Variants in KIAA0319L observed in about 807,000 individuals in gnomAD.
The protein encoded by KIAA0319L is KIAA0319 like, also known as dyslexia-associated protein KIAA0319-like protein.
A neutral mutation model predicts 120.1 loss-of-function variants in KIAA0319L; 55 were observed. The ratio of observed to expected loss-of-function variants is 0.46; its 90% CI spans 0.37 to 0.57. The LOEUF (loss-of-function observed/expected upper bound fraction) is 0.57. KIAA0319L is among the 20% of genes least tolerant of loss of function. KIAA0319L has a pLI of 0.00. For synonymous variants in KIAA0319L, 398 were observed against 471.9 expected, an observed-to-expected ratio of 0.84 and a Z score of 2.03; for missense variants, 1,049 against 1,255.3, an observed-to-expected ratio of 0.84 and a Z score of 2.48.
intron 6 of KIAA0319L, among the ~76,000 whole-genome samples, chr1:35,467,563 A>G (rs1009238882): frequency 2.0e-5 from 3 of 152,206 alleles, no homozygotes; most frequent in African/African-American, 4.8e-5. Flanking sequence ...TAAGATCTCT[A>G]TCTTCAAGGA....
At chr1:35,442,475 A>C in intron 18 of KIAA0319L, 139 bp from the exon 19 acceptor site, 1 of 693,074 alleles carries the variant, frequency 1.4e-6, no homozygotes, top group Non-Finnish European at 2.6e-6. Context: ...AAGACCTTGG[A>C]GTTAAGGGCA....
At chr1:35,548,769 T>C (rs958307428) in intron 2 of KIAA0319L, among the ~76,000 whole-genome samples, 2 of 152,094 alleles carry the variant, frequency 1.3e-5, no homozygotes, top group Non-Finnish European at 2.9e-5. Flanking sequence ...ACCTACCTCT[T>C]CTGGAGCTGC....
chr1:35,471,807 T>C (rs1207056053), intron 5 of KIAA0319L, among the ~76,000 whole-genome samples: 1 of 152,060 alleles, frequency 6.6e-6, no homozygotes, highest in Non-Finnish European at 1.5e-5. Flanking sequence ...ATTTCATGAG[T>C]TCAAATGTTA....
chr1:35,514,608 A>G (rs1645606181), intron 2 of KIAA0319L, among the ~76,000 whole-genome samples: 1 of 152,230 alleles, frequency 6.6e-6, no homozygotes, highest in Non-Finnish European at 1.5e-5. Context: ...CAGACAAAAC[A>G]GATTTTAAAC....
At chr1:35,446,055 G>A (rs1641595755) in intron 16 of KIAA0319L, among the ~76,000 whole-genome samples, 2 of 152,140 alleles carry the variant, frequency 1.3e-5, no homozygotes, top group South Asian at 2.1e-4. Flanking sequence ...CTCTGACCTA[G>A]TGAGCCCTGA....
At chr1:35,494,695 T>C (rs1644733601) in intron 3 of KIAA0319L, among the ~76,000 whole-genome samples, 1 of 150,730 alleles carries the variant, frequency 6.6e-6, no homozygotes, top group Non-Finnish European at 1.5e-5. Context: ...CCTATAGTCC[T>C]AGCTACTTGG....
intron 3 of KIAA0319L, among the ~76,000 whole-genome samples, chr1:35,490,547 T>G (rs1644552588): frequency 6.6e-6 from 1 of 152,164 alleles, no homozygotes; most frequent in Admixed American, 6.5e-5. Flanking sequence ...CAATTAAAAC[T>G]GATCCAGAAA....
chr1:35,537,840 A>G (rs1316074138), intron 2 of KIAA0319L, among the ~76,000 whole-genome samples: 1 of 152,152 alleles, frequency 6.6e-6, no homozygotes, highest in Non-Finnish European at 1.5e-5. Flanking sequence ...AATTAAATCA[A>G]AGCCAATCTG....
rs201452270 is a variant in KIAA0319L, at chr1:35,526,317, GTGTA to G, written c.143-19186_143-19183del. On this transcript the variant is annotated intron_variant, in intron 2 of 20. Coordinates refer to ENST00000325722, the MANE Select transcript of KIAA0319L (RefSeq NM_024874.5). ...CATATATATGTACATATATACATAT[GTGTA>G]TGTGTGTGTATATGTATATATGTAC... Among the ~76,000 whole-genome samples the G allele has an allele frequency of 4.2e-3, 611 of 145,622 alleles. 6 individuals carry two copies. The highest frequency in any genetic ancestry group is 0.032 in the East Asian group (161 of 5,074).
intron 3 of KIAA0319L, among the ~76,000 whole-genome samples, chr1:35,482,377 T>G (rs1644208607): frequency 6.6e-6 from 1 of 152,168 alleles, no homozygotes; most frequent in African/African-American, 2.4e-5. Context: ...TTTGGGTTTA[T>G]TCTAGCTTTT....
intron 2 of KIAA0319L, among the ~76,000 whole-genome samples, chr1:35,522,110 A>AAAAAG (rs1385576710): frequency 6.6e-6 from 1 of 152,230 alleles, no homozygotes; most frequent in Non-Finnish European, 1.5e-5. Context: ...GGTTCAGAGC[A>AAAAAG]GTATGTATAG....
intron 1 of KIAA0319L, among the ~76,000 whole-genome samples, chr1:35,556,287 T>G (rs1460963443): frequency 1.3e-5 from 2 of 152,240 alleles, no homozygotes; most frequent in Non-Finnish European, 2.9e-5. Flanking sequence ...ATGGGGGATG[T>G]ATCACAGTTC....
At chr1:35,498,134 ACCAGC>A (rs1434425473) in intron 3 of KIAA0319L, among the ~76,000 whole-genome samples, 4 of 152,248 alleles carry the variant, frequency 2.6e-5, no homozygotes, top group Admixed American at 6.5e-5. Flanking sequence ...GGAGTTCGAG[ACCAGC>A]CTGGCCAACG....
At chr1:35,510,629 G>A (rs1200449302) in intron 2 of KIAA0319L, 2 of 148,420 alleles carry the variant, frequency 1.3e-5, no homozygotes, top group Non-Finnish European at 3.0e-5. Context: ...TTTATTTAGA[G>A]ACAGGTTCCC....
chr1:35,462,355 C>T (rs555157821), intron 8 of KIAA0319L, among the ~76,000 whole-genome samples: 4 of 152,298 alleles, frequency 2.6e-5, no homozygotes, highest in Non-Finnish European at 5.9e-5. Flanking sequence ...TAAAATCATG[C>T]TAATTACATG....
intron 3 of KIAA0319L, among the ~76,000 whole-genome samples, chr1:35,496,677 C>T (rs992924651): frequency 1.3e-5 from 2 of 152,212 alleles, no homozygotes; most frequent in Non-Finnish European, 2.9e-5. Flanking sequence ...GGTACAGTGG[C>T]TCATGTCTGT....
chr1:35,492,047 C>T (rs888985044), intron 3 of KIAA0319L, among the ~76,000 whole-genome samples: 2 of 152,102 alleles, frequency 1.3e-5, no homozygotes, highest in Admixed American at 6.6e-5. Context: ...AGATGGTTCA[C>T]TGGAGAATTA....
chr1:35,522,187 A>C (rs1005886231), intron 2 of KIAA0319L, among the ~76,000 whole-genome samples: 1 of 152,178 alleles, frequency 6.6e-6, no homozygotes, highest in African/African-American at 2.4e-5. Context: ...TTTTGGAAGA[A>C]TATTCATGAA....
intron 3 of KIAA0319L, among the ~76,000 whole-genome samples, chr1:35,499,461 A>G (rs1021855393): frequency 6.6e-6 from 1 of 152,158 alleles, no homozygotes; most frequent in African/African-American, 2.4e-5. Context: ...CTAGACACCA[A>G]ATCAGCCAGC....
Sources: gnomAD v4.1 joint callset for allele counts (sites outside exome capture counted in the v4.1 genomes callset) on GRCh38, gnomAD v4.1.1 for gene constraint, MANE v1.5 for transcripts, NCBI Gene and HGNC (gene_info 2026-07-23, HGNC 2026-07-21) for gene names.